Variants in AFG2A observed in about 807,000 individuals in gnomAD.
AFG2A encodes the protein AAA ATPase AFG2A.
chr4:123,126,545 G>C, the AFG2A span, among the ~76,000 whole-genome samples: 2,192 of 152,218 alleles, frequency 0.014, 17 homozygotes, highest in African/African-American at 0.022. Flanking sequence ...ATCCCCACAT[G>C]TCATGGGAGA....
chr4:123,256,616 G>A, the AFG2A span: 1 of 827,360 alleles, frequency 1.2e-6, no homozygotes, highest in Non-Finnish European at 1.5e-6. Flanking sequence ...GAGTATAAAG[G>A]GCAAAGCAAA....
the AFG2A span, among the ~76,000 whole-genome samples, chr4:122,994,627 T>A: frequency 6.6e-6 from 1 of 151,986 alleles, no homozygotes; most frequent in Admixed American, 6.6e-5. Flanking sequence ...GGATTCTAGT[T>A]TTCAGAATTT....
chr4:122,938,306 A>G, the AFG2A span: 3 of 1,392,660 alleles, frequency 2.2e-6, no homozygotes, highest in Non-Finnish European at 2.8e-6. Context: ...ACTTATGTGT[A>G]GTGGTAAAAA....
chr4:123,095,326 A>G, the AFG2A span, among the ~76,000 whole-genome samples: 2 of 152,104 alleles, frequency 1.3e-5, no homozygotes, highest in African/African-American at 2.4e-5. Flanking sequence ...TACTACTCAG[A>G]TGATATATAC....
the AFG2A span, among the ~76,000 whole-genome samples, chr4:123,285,930 G>A: frequency 6.6e-6 from 1 of 152,144 alleles, no homozygotes; most frequent in African/African-American, 2.4e-5. Flanking sequence ...GGTGGTGGAG[G>A]TGGTAGTGCT....
At chr4:122,925,088 G>T in the AFG2A span, among the ~76,000 whole-genome samples, 40 of 152,082 alleles carry the variant, frequency 2.6e-4, no homozygotes, top group East Asian at 2.9e-3. Flanking sequence ...CTTCAACTCT[G>T]TTCAGTTTTT....
the AFG2A span, among the ~76,000 whole-genome samples, chr4:123,308,798 A>G: frequency 6.6e-6 from 1 of 152,196 alleles, no homozygotes; most frequent in Non-Finnish European, 1.5e-5. Flanking sequence ...AGGTAGTTGT[A>G]GTTAAGTAAC....
At chr4:123,070,694 T>C in the AFG2A span, among the ~76,000 whole-genome samples, 2 of 152,206 alleles carry the variant, frequency 1.3e-5, no homozygotes, top group African/African-American at 2.4e-5. Context: ...TTTCAACATA[T>C]GCATTTTGGG....
the AFG2A span, among the ~76,000 whole-genome samples, chr4:122,978,025 CT>C: frequency 6.6e-6 from 1 of 152,154 alleles, no homozygotes; most frequent in South Asian, 2.1e-4. Flanking sequence ...GAGTGGGTAG[CT>C]TCTTTCTGTA....
chr4:123,215,142 A>C, the AFG2A span, among the ~76,000 whole-genome samples: 1 of 152,234 alleles, frequency 6.6e-6, no homozygotes, highest in African/African-American at 2.4e-5. Flanking sequence ...ATTAAAATTG[A>C]AAAAATTTTA....
chr4:122,935,707 C>A, the AFG2A span: 1 of 1,561,802 alleles, frequency 6.4e-7, no homozygotes, highest in South Asian at 1.3e-5. Flanking sequence ...TCTACTTTTT[C>A]TTCCAGGAAT....
chr4:123,301,077 T>C, the AFG2A span, among the ~76,000 whole-genome samples: 1 of 152,216 alleles, frequency 6.6e-6, no homozygotes, highest in Non-Finnish European at 1.5e-5. Context: ...AGAGCAGTGA[T>C]TCCTAACCCC....
the AFG2A span, among the ~76,000 whole-genome samples, chr4:123,022,389 C>T: frequency 6.6e-6 from 1 of 152,082 alleles, no homozygotes; most frequent in Non-Finnish European, 1.5e-5. Context: ...TGAACAGACA[C>T]TTCTCAAAAG....
chr4:123,041,100 A>T, the AFG2A span, among the ~76,000 whole-genome samples: 3 of 150,682 alleles, frequency 2.0e-5, no homozygotes, highest in Non-Finnish European at 4.4e-5. Context: ...CTTTTTTATA[A>T]TTTTTTATTT....
At chr4:123,048,412 T>C in the AFG2A span, among the ~76,000 whole-genome samples, 1 of 152,218 alleles carries the variant, frequency 6.6e-6, no homozygotes, top group Non-Finnish European at 1.5e-5. Flanking sequence ...CCTTGGTATT[T>C]TGATAGGGAT....
At chr4:123,111,187 C>A in the AFG2A span, among the ~76,000 whole-genome samples, 788 of 152,078 alleles carry the variant, frequency 5.2e-3, 2 homozygotes, top group African/African-American at 0.018. Flanking sequence ...TTTTACCTTT[C>A]ACATCTTCAT....
chr4:123,206,104 A>T, the AFG2A span, among the ~76,000 whole-genome samples: 17 of 152,274 alleles, frequency 1.1e-4, no homozygotes, highest in Middle Eastern at 3.4e-3. Context: ...GCCTTAAGGA[A>T]CCATTGCTAG....
the AFG2A span, among the ~76,000 whole-genome samples, chr4:122,979,678 G>A: frequency 1.3e-5 from 2 of 152,088 alleles, no homozygotes; most frequent in Non-Finnish European, 2.9e-5. Flanking sequence ...TGAGGTGGGC[G>A]GATCACTTGA....
chr4:123,205,458 A>C, the AFG2A span, among the ~76,000 whole-genome samples: 9 of 152,110 alleles, frequency 5.9e-5, no homozygotes, highest in Non-Finnish European at 8.8e-5. Flanking sequence ...AGAAAAAAAA[A>C]CAGTAAAAAA....
Sources: gnomAD v4.1 joint callset for allele counts (sites outside exome capture counted in the v4.1 genomes callset) on GRCh38, gnomAD v4.1.1 for gene constraint, MANE v1.5 for transcripts, NCBI Gene and HGNC (gene_info 2026-07-23, HGNC 2026-07-21) for gene names.